PSG2: variants seen among roughly 807,000 people sequenced by gnomAD.
PSG2 encodes pregnancy specific beta-1-glycoprotein 2, also known as pregnancy-specific beta-1-glycoprotein 2.
Under a neutral mutation model 36.2 loss-of-function variants are expected in PSG2, and 49 were observed. That is an observed-to-expected ratio of 1.35 (90% CI 1.08 to 1.72). The LOEUF (loss-of-function observed/expected upper bound fraction) is 1.72, where lower values mean the gene tolerates loss of function less well. PSG2 is among the 40% of genes most tolerant of loss of function. The pLI, the probability that PSG2 is intolerant of heterozygous loss-of-function variation, is 0.00. For synonymous variants in PSG2, 261 were observed against 155.6 expected (o/e 1.68, Z -5.04); for missense variants, 605 against 407.2 (o/e 1.49, Z -4.18).
rs1219943701 is a variant in PSG2 at position 43,071,917 on chromosome 19, G to A, written c.747C>T (p.Thr249=). ...AGAGGTTATCTCCTGAACGGTAATT[G>A]GTGTATGAAGGGTGAATTCTGGGGA... ...PDLPRIHPSY[T]NYRSGDNLYL... The change falls in exon 4 of 6, where the codon ACC becomes ACT. Residue 249 remains threonine (T), a synonymous_variant. Coordinates refer to ENST00000406487, the MANE Select transcript of PSG2 (RefSeq NM_031246.4). The A allele has an allele frequency of 6.2e-7, 1 of 1,612,508 alleles. No individual in the cohort carries two copies. The highest frequency in any genetic ancestry group is 8.5e-7 in the Non-Finnish European group (1 of 1,179,282).
chr19:43,082,419 T>C lies in PSG2; in HGVS notation c.64+87A>G, dbSNP rs1967993784. On this transcript the variant is annotated intron_variant, in intron 1 of 5. Transcript: ENST00000406487. ...CCTCCCTAAGTGCTGGCTTCTTTCATTTTTTAGAACCCCATCCTCTCCAGG... is the reference window on the plus strand; with the variant it reads ...CCTCCCTAAGTGCTGGCTTCTTTCACTTTTTAGAACCCCATCCTCTCCAGG... 2.6e-6 allele frequency: 4 copies of C among 1,567,786 alleles called. No individual in the cohort carries two copies. The East Asian group carries it at 9.0e-5, about 35-fold the overall frequency.
chr19:43,069,275 G>T (rs1967784368), intron 4 of PSG2, among the ~76,000 whole-genome samples: 1 of 151,610 alleles, frequency 6.6e-6, no homozygotes, highest in African/African-American at 2.4e-5. Context: ...TTGTTAGGAG[G>T]ACAGTGCTAC....
intron 2 of PSG2, among the ~76,000 whole-genome samples, chr19:43,080,040 C>G (rs866664166): frequency 6.6e-6 from 1 of 151,744 alleles, no homozygotes; most frequent in South Asian, 2.1e-4. Flanking sequence ...AAAGTATTCA[C>G]AGTCACTTGA....
chr19:43,075,288 GC>G (rs1239155366), intron 3 of PSG2, 65 bp downstream of exon 3: 1 of 1,612,408 alleles, frequency 6.2e-7, no homozygotes, highest in Non-Finnish European at 8.5e-7. Context: ...GGACTGAGAG[GC>G]CTGGCCTCTG....
At chr19:43,081,420 A>G (rs60240856) in intron 1 of PSG2, among the ~76,000 whole-genome samples, 174 bp from the exon 2 acceptor site, 2,980 of 147,684 alleles carry the variant, frequency 0.02, 124 homozygotes, top group East Asian at 0.093. Context: ...GTGTGTTTGT[A>G]TGTGTGTATG....
intron 2 of PSG2, among the ~76,000 whole-genome samples, chr19:43,079,439 C>G (rs1022007740): frequency 3.3e-5 from 5 of 151,540 alleles, no homozygotes; most frequent in South Asian, 4.2e-4. Context: ...GATTCTGCAT[C>G]CAACATCCAG....
intron 5 of PSG2, among the ~76,000 whole-genome samples, chr19:43,065,015 T>C (rs1967721062): frequency 6.6e-6 from 1 of 151,612 alleles, no homozygotes; most frequent in Non-Finnish European, 1.5e-5. Context: ...TTTTGCATTT[T>C]TAGTAGAGAT....
intron 4 of PSG2, among the ~76,000 whole-genome samples, chr19:43,068,085 A>G (rs1452855048): frequency 6.6e-5 from 10 of 151,642 alleles, no homozygotes; most frequent in Middle Eastern, 3.4e-3. Context: ...AAAATTGACA[A>G]CCATTAACTA....
intron 3 of PSG2, chr19:43,072,225 T>A: frequency 6.7e-7 from 1 of 1,483,858 alleles, no homozygotes; most frequent in Non-Finnish European, 9.1e-7. Context: ...GGGCAGGGAG[T>A]CATGGCCAGC....
chr19:43,079,953 G>A (rs1429445432), intron 2 of PSG2, among the ~76,000 whole-genome samples: 2 of 151,728 alleles, frequency 1.3e-5, no homozygotes, highest in East Asian at 3.9e-4. Context: ...GCCTTCCTGT[G>A]CCTCAGTTTT....
At chr19:43,080,410 C>T (rs1024447803) in intron 2 of PSG2, among the ~76,000 whole-genome samples, 4 of 151,726 alleles carry the variant, frequency 2.6e-5, no homozygotes, top group Admixed American at 2.0e-4. Flanking sequence ...CCCAGTAAGC[C>T]CTGCCCATGA....
Position 43,071,809 on chromosome 19 carries a change from A to G in PSG2, c.855T>C (p.Asn285=), listed in dbSNP as rs1058106. The G allele has an allele frequency of 3.7e-6, 6 of 1,612,920 alleles. No homozygotes were observed. Among genetic ancestry groups the G allele is most frequent in the Non-Finnish European group, 4.2e-6 (5 of 1,179,594 alleles). The change falls in exon 4 of 6, where the codon AAT becomes AAC. Residue 285 remains asparagine (N), a synonymous_variant. Transcript: ENST00000406487. ...INGKFQQSGQ[N]LFIPQITTKH... is the part of the protein sequence containing the mutation. ...TTGTAGTAATTTGGGGGATAAACAG[A>G]TTTTGTCCTGATTGCTGAAACTTCC... is the stretch of plus-strand genomic sequence containing the variant.
intron 4 of PSG2, among the ~76,000 whole-genome samples, chr19:43,066,824 C>G (rs1420315988): frequency 6.6e-6 from 1 of 151,054 alleles, no homozygotes; most frequent in African/African-American, 2.5e-5. Flanking sequence ...CTCTACTGCA[C>G]TCAGATATTT....
chr19:43,078,373 G>A (rs1238613225), intron 2 of PSG2, among the ~76,000 whole-genome samples: 1 of 151,708 alleles, frequency 6.6e-6, no homozygotes, highest in African/African-American at 2.4e-5. Flanking sequence ...ATCCCTGACT[G>A]CTCCAATGTC....
Position 43,066,540 on chromosome 19 carries a change from A to C in PSG2, c.*17T>G. The C allele has an allele frequency of 6.3e-7, 1 of 1,584,900 alleles. No homozygotes were observed. The highest frequency in any genetic ancestry group is 8.7e-7 in the Non-Finnish European group (1 of 1,154,316). On this transcript the variant is annotated 3_prime_UTR_variant, in exon 5 of 6. Coordinates refer to ENST00000406487, the MANE Select transcript of PSG2 (RefSeq NM_031246.4). The stretch of plus-strand genomic sequence containing the variant: ...ACCTGCCAGTCTTCCTGAAATACAG[A>C]AATGACATCACAGCTGCTATGTTGG...
intron 2 of PSG2, among the ~76,000 whole-genome samples, chr19:43,076,139 T>C (rs1967892823): frequency 6.6e-6 from 1 of 151,698 alleles, no homozygotes; most frequent in Non-Finnish European, 1.5e-5. Flanking sequence ...GACTGGGTAC[T>C]TCAGCATAAA....
chr19:43,077,670 C>G (rs1967916424), intron 2 of PSG2, among the ~76,000 whole-genome samples: 1 of 151,780 alleles, frequency 6.6e-6, no homozygotes, highest in African/African-American at 2.4e-5. Context: ...AACTGGTCCT[C>G]AAAACCACCA....
intron 3 of PSG2, 54 bp from the exon 4 acceptor site, chr19:43,072,008 T>A: frequency 6.3e-7 from 1 of 1,588,732 alleles, no homozygotes; most frequent in Non-Finnish European, 8.6e-7. Context: ...AAGGGGATGC[T>A]CCTGGTCTCT....
chr19:43,072,538 C>T lies in PSG2; in HGVS notation c.710-584G>A. On this transcript the variant is annotated intron_variant, in intron 3 of 5. Coordinates refer to ENST00000406487, the MANE Select transcript of PSG2 (RefSeq NM_031246.4). The stretch of plus-strand genomic sequence containing the variant: ...TTAGCCACCAAATGTAGGTGTAGCT[C>T]TCACTCTTAGGTTCACAGGTGAAGG... 7 of 1,611,290 alleles carry T rather than the reference C, an allele frequency of 4.3e-6. No homozygotes were observed. The Admixed American group carries it at 1.2e-4, about 27-fold the overall frequency.
Sources: allele counts gnomAD v4.1 joint callset (sites outside exome capture counted in the v4.1 genomes callset), GRCh38; gene constraint gnomAD v4.1.1; transcripts MANE v1.5; gene names NCBI Gene and HGNC (gene_info 2026-07-23, HGNC 2026-07-21).